SLC6A3: variants seen among roughly 807,000 people sequenced by gnomAD.
SLC6A3 encodes solute carrier family 6 member 3.
A neutral mutation model predicts 70.4 loss-of-function variants in SLC6A3; 19 were observed. That is an observed-to-expected ratio of 0.27 (90% CI 0.19 to 0.40). The LOEUF is 0.40. Ranked by LOEUF, SLC6A3 falls within the 10% of genes least tolerant of loss-of-function variation. The pLI is 1.00. For synonymous variants in SLC6A3, 368 were observed against 356.6 expected (o/e 1.03, Z -0.36); for missense variants, 613 against 838.5 (o/e 0.73, Z 3.32).
Position 1,442,996 on chromosome 5 carries a change from C to A in SLC6A3, c.202G>T (p.Asp68Tyr). The part of the protein sequence containing the change: ...QDRETWGKKI[D>Y]FLLSVIGFAV... ...AAGCCAATGACGGACAGGAGAAAGTCGATCTTCTTGCCCCAGGTCTCCCGA... is the reference window on the plus strand; with the variant it reads ...AAGCCAATGACGGACAGGAGAAAGTAGATCTTCTTGCCCCAGGTCTCCCGA... The change falls in exon 2 of 15, where the codon GAC (aspartate) becomes TAC (tyrosine). Residue 68 changes from aspartate (D) to tyrosine (Y), a missense_variant. Asp to Tyr is a radical substitution (Grantham distance 160, BLOSUM62 -3). Coordinates refer to ENST00000270349, the MANE Select transcript of SLC6A3 (RefSeq NM_001044.5). This position sits in a 1 kb window ranked among gnomAD's most constrained non-coding sequence, Gnocchi z 5.0. 1 of 1,614,206 alleles carries A rather than the reference C, an allele frequency of 6.2e-7. No individual in the cohort carries two copies. Among genetic ancestry groups the A allele is most frequent in the Non-Finnish European group, 8.5e-7 (1 of 1,180,040 alleles).
chr5:1,407,316 G>C (rs1193463140), intron 11 of SLC6A3, among the ~76,000 whole-genome samples: 1 of 152,124 alleles, frequency 6.6e-6, no homozygotes, highest in African/African-American at 2.4e-5. Flanking sequence ...CCCGGCATCC[G>C]AGCTCTGAAC....
Position 1,403,049 on chromosome 5 carries a change from T to TG in SLC6A3, c.1639dup (p.His547ProfsTer56), listed in dbSNP as rs749320240. 7 of 1,613,726 alleles carry TG rather than the reference T, an allele frequency of 4.3e-6. No homozygotes were observed. The highest frequency in any genetic ancestry group is 1.7e-6 in the Non-Finnish European group (2 of 1,179,980). Reference sequence around the variant, plus strand: ...GTCGGGGAAGATGTAGGCTCCGTAGTGGGGGGGTCTGAAGGTCACAATGCT... The same window carrying TG: ...GTCGGGGAAGATGTAGGCTCCGTAGTGGGGGGGGTCTGAAGGTCACAATGCT... On this transcript the variant is annotated frameshift_variant, in exon 13 of 15. Coordinates refer to ENST00000270349, the MANE Select transcript of SLC6A3 (RefSeq NM_001044.5). LOFTEE classifies it high-confidence loss of function.
In SLC6A3 at chr5:1,414,706, C is replaced by G. The variant is rs755089322; in HGVS notation, c.1141G>C (p.Asp381His). The G allele has an allele frequency of 1.2e-6, 2 of 1,612,518 alleles. No homozygotes were observed. The highest frequency in any genetic ancestry group is 2.2e-5 in the South Asian group (2 of 91,076). Residue 381 changes from aspartate to histidine, a missense_variant, in exon 8 of 15, where the codon GAC becomes CAC. Physicochemically the swap from Asp to His is moderately conservative, Grantham distance 81. Coordinates refer to ENST00000270349, the MANE Select transcript of SLC6A3 (RefSeq NM_001044.5). ...MAQKHSVPIG[D>H]VAKDGPGLIF... ...AGGGGCTCACCGTCCTTGGCCACGTCCCCGATGGGCACACTGTGCTTCTGT... is the reference window on the plus strand; with the variant it reads ...AGGGGCTCACCGTCCTTGGCCACGTGCCCGATGGGCACACTGTGCTTCTGT...
At chr5:1,430,579 C>G (rs991127962) in intron 4 of SLC6A3, among the ~76,000 whole-genome samples, 13 of 152,208 alleles carry the variant, frequency 8.5e-5, no homozygotes, top group African/African-American at 3.1e-4. Flanking sequence ...CCGGCCTGCC[C>G]GAAGGCTCCA....
intron 14 of SLC6A3, among the ~76,000 whole-genome samples, chr5:1,400,560 C>A (rs1755823773): frequency 6.6e-6 from 1 of 152,174 alleles, no homozygotes; most frequent in African/African-American, 2.4e-5. Flanking sequence ...TCCCTTGTGC[C>A]CCCGTGAGGC....
At chr5:1,445,000 T>G (rs973113343) in intron 1 of SLC6A3, among the ~76,000 whole-genome samples, 1 of 151,826 alleles carries the variant, frequency 6.6e-6, no homozygotes, top group African/African-American at 2.4e-5. Flanking sequence ...GCACCCCTAG[T>G]AGGGTTAAGT....
intron 4 of SLC6A3, among the ~76,000 whole-genome samples, chr5:1,427,942 G>A (rs975014348): frequency 2.0e-5 from 3 of 152,116 alleles, no homozygotes; most frequent in African/African-American, 7.2e-5. Context: ...TAGAGCAAGT[G>A]GACAGAAAAC....
At position 1,411,571 on chromosome 5, in the gene SLC6A3, G is replaced by A. The variant is rs2126344648; in HGVS notation, c.1157-216C>T. ...AACTGATCAGAGGGCTTTGGTTCAT[G>A]CCCACCACCCAGCAATGGGGCTCCT... On this transcript the variant is annotated intron_variant, in intron 8 of 14. Coordinates refer to ENST00000270349, the MANE Select transcript of SLC6A3 (RefSeq NM_001044.5). The surrounding 1 kb of genome is among the most constrained non-coding windows in gnomAD (Gnocchi z 6.5). 6.6e-6 allele frequency among the ~76,000 whole-genome samples: 1 copy of A among 152,360 alleles called. No homozygotes were observed. The highest frequency in any genetic ancestry group is 1.9e-4 in the East Asian group (1 of 5,190).
rs569016183 is a variant in SLC6A3, at chr5:1,442,837, T to A, written c.286+75A>T. ...TGGGAACAGCTTCATCTCGTTTCCG[T>A]ACGTGCCTTGGCCCCGGCTGCCCCT... On this transcript the variant is annotated intron_variant, in intron 2 of 14. Transcript: ENST00000270349. The surrounding 1 kb of genome is among the most constrained non-coding windows in gnomAD (Gnocchi z 5.0). 386 of 1,472,498 alleles carry A rather than the reference T, an allele frequency of 2.6e-4. 2 individuals are homozygous for A. In the African/African-American group the frequency reaches 4.9e-3, roughly 19 times the overall value. 91.2% of individuals were successfully genotyped at this position (1,472,498 alleles called of 1,614,324 possible). A position where few individuals can be genotyped will look rare whatever the true frequency, so the allele number is the denominator to read the frequency against.
rs1733717571 is a variant in SLC6A3 at position 1,443,019 on chromosome 5, C to T, written c.179G>A (p.Arg60Gln). The T allele has an allele frequency of 1.2e-6, 2 of 1,614,186 alleles. No individual in the cohort carries two copies. The highest frequency in any genetic ancestry group is 1.6e-4 in the Middle Eastern group (1 of 6,062). The change falls in exon 2 of 15, where the codon CGG (arginine) becomes CAG (glutamine). Residue 60 changes from arginine to glutamine, a missense_variant. Physicochemically the swap from Arg to Gln is conservative, Grantham distance 43 (BLOSUM62 1). Transcript: ENST00000270349. The part of the protein sequence containing the change: ...PRQSPVEAQD[R>Q]ETWGKKIDFL... ...GTCGATCTTCTTGCCCCAGGTCTCC[C>T]GATCCTGGGCCTCCACGGGGCTCTG...
chr5:1,435,965 G>C (rs1239186593), intron 3 of SLC6A3, among the ~76,000 whole-genome samples: 1 of 148,244 alleles, frequency 6.7e-6, no homozygotes, highest in Non-Finnish European at 1.5e-5. Flanking sequence ...GCACCTCGGT[G>C]AGGAAATGGC....
Position 1,438,151 on chromosome 5 carries a change from T to C in SLC6A3, c.418+3208A>G, listed in dbSNP as rs1487526951. On this transcript the variant is annotated intron_variant, in intron 3 of 14. Transcript: ENST00000270349. The surrounding 1 kb of genome is among the most constrained non-coding windows in gnomAD (Gnocchi z 6.5). ...TCCAGCTTTCTTGCACTGATTCATCTATCCCTTCGTGGGTCGAACAGTTCA... is the reference window on the plus strand; with the variant it reads ...TCCAGCTTTCTTGCACTGATTCATCCATCCCTTCGTGGGTCGAACAGTTCA... Among the ~76,000 whole-genome samples, 1 of 152,240 alleles carries C rather than the reference T, an allele frequency of 6.6e-6. No homozygotes were observed. The highest frequency in any genetic ancestry group is 1.9e-4 in the East Asian group (1 of 5,198).
chr5:1,423,642 C>T (rs374387142), intron 4 of SLC6A3, among the ~76,000 whole-genome samples: 7 of 152,352 alleles, frequency 4.6e-5, no homozygotes, highest in East Asian at 3.9e-4. Context: ...AGCTGACCAT[C>T]GGCTGTGCTC....
intron 1 of SLC6A3, among the ~76,000 whole-genome samples, chr5:1,444,673 G>A (rs894877956): frequency 2.0e-4 from 31 of 152,352 alleles, no homozygotes; most frequent in Non-Finnish European, 4.3e-4. Context: ...CGTTGGGAGA[G>A]GGCGTCGGGT....
chr5:1,400,334 G>A (rs917745153), intron 14 of SLC6A3, among the ~76,000 whole-genome samples: 12 of 152,188 alleles, frequency 7.9e-5, no homozygotes, highest in African/African-American at 2.7e-4. Context: ...GTAAAAACAC[G>A]TCAAGTGTTT....
intron 3 of SLC6A3, among the ~76,000 whole-genome samples, chr5:1,433,112 A>C (rs1165652759): frequency 1.3e-5 from 2 of 152,100 alleles, no homozygotes; most frequent in Non-Finnish European, 2.9e-5. Context: ...GATCCATAAG[A>C]GTCATCCAGG....
rs757828228 is a variant in SLC6A3, at chr5:1,441,312, C to T, written c.418+47G>A. ...TGCTTTGAAAGCTCCAGCGTCACCA[C>T]CATGATCCGCGCTGCGCCAGGGTGA... On this transcript the variant is annotated intron_variant, in intron 3 of 14. Coordinates refer to ENST00000270349, the MANE Select transcript of SLC6A3 (RefSeq NM_001044.5). The T allele has an allele frequency of 2.2e-5, 35 of 1,613,112 alleles. No homozygotes were observed. The Admixed American group carries it at 5.7e-4, about 26-fold the overall frequency.
At chr5:1,431,624 G>A (rs1179674773) in intron 4 of SLC6A3, among the ~76,000 whole-genome samples, 2 of 149,798 alleles carry the variant, frequency 1.3e-5, no homozygotes. Context: ...CGGGGTGGAC[G>A]GTGTGGGGTG....
chr5:1,420,429 A>G, intron 6 of SLC6A3, 140 bp downstream of exon 6: 2 of 885,822 alleles, frequency 2.3e-6, no homozygotes. Flanking sequence ...TATCACAGGT[A>G]CTTGGGATTT....
Sources: allele counts gnomAD v4.1 joint callset (sites outside exome capture counted in the v4.1 genomes callset), GRCh38; gene constraint gnomAD v4.1.1; non-coding constraint Gnocchi (gnomAD v3.1); transcripts MANE v1.5; gene names NCBI Gene and HGNC (gene_info 2026-07-23, HGNC 2026-07-21).